The following LTBP1 variants were observed in gnomAD, a reference collection of about 807,000 sequenced individuals.
LTBP1 encodes the protein latent-transforming growth factor beta-binding protein 1.
LTBP1 carries 129 observed loss-of-function variants against 207.6 expected under a neutral mutation model. The ratio of observed to expected loss-of-function variants is 0.62; its 90% confidence interval spans 0.54 to 0.72. The LOEUF is 0.72. LTBP1 is among the 30% of genes least tolerant of loss of function. LTBP1 has a pLI of 0.00. For missense variants in LTBP1, 2,281 were observed against 2,217.2 expected, an observed-to-expected ratio of 1.03 and a Z score of -0.58; for synonymous variants, 963 against 833.7, an observed-to-expected ratio of 1.16 and a Z score of -2.67.
Position 32,948,860 on chromosome 2 carries a change from C to G in LTBP1, c.495-15C>G. 1 of 1,613,720 alleles carries G rather than the reference C, an allele frequency of 6.2e-7. No individual in the cohort carries two copies. The highest frequency in any genetic ancestry group is 8.5e-7 in the Non-Finnish European group (1 of 1,179,622). On this transcript the variant is annotated splice_polypyrimidine_tract_variant and intron_variant, in intron 1 of 33. Coordinates refer to ENST00000404816, the MANE Select transcript of LTBP1 (RefSeq NM_206943.4). The stretch of plus-strand genomic sequence containing the variant: ...TCTTTCTGCTGCTGGACTCAGCGAT[C>G]TTGCTTTGTTTCAGGGTCAATGTCT...
At chr2:33,098,204 G>A (rs1438746402) in intron 3 of LTBP1, among the ~76,000 whole-genome samples, 28 of 152,174 alleles carry the variant, frequency 1.8e-4, no homozygotes. Flanking sequence ...ACTGGTGCGG[G>A]TGGGCATTGT....
chr2:33,272,689 T>C (rs779163657), intron 15 of LTBP1, among the ~76,000 whole-genome samples: 7 of 152,208 alleles, frequency 4.6e-5, no homozygotes, highest in Non-Finnish European at 1.0e-4. Flanking sequence ...CTTGCCCCAT[T>C]CTGCAGAACT....
chr2:33,365,362 G>A lies in LTBP1; in HGVS notation c.4570G>A (p.Asp1524Asn). Reference sequence around the variant, plus strand: ...AATAGAAGAAACTGATGTCTACCAAGATTTGTGCTGGGAACATCTGAGTGA... The same window carrying A: ...AATAGAAGAAACTGATGTCTACCAAAATTTGTGCTGGGAACATCTGAGTGA... ...EQIEETDVYQ[D>N]LCWEHLSDEY... The change falls in exon 31 of 34, where the codon GAT (aspartate) becomes AAT (asparagine). Residue 1524 changes from aspartate (D) to asparagine (N), a missense_variant. Around this residue, in one of 3 missense-constraint regions of LTBP1, gnomAD observed 1,671 missense variants for 1,634.8 expected, o/e 1.02. Transcript: ENST00000404816. 1.2e-6 allele frequency: 2 copies of A among 1,614,212 alleles called. No individual in the cohort carries two copies. Among genetic ancestry groups the A allele is most frequent in the Non-Finnish European group, 1.7e-6 (2 of 1,180,026 alleles).
In LTBP1 at chr2:32,968,483, A is replaced by G. The variant is rs1680326906; in HGVS notation, c.565+19538A>G. 2.0e-5 allele frequency among the ~76,000 whole-genome samples: 3 copies of G among 152,016 alleles called. No homozygotes were observed. In the South Asian group the frequency reaches 6.2e-4, roughly 32 times the overall value. On this transcript the variant is annotated intron_variant, in intron 2 of 33. Coordinates refer to ENST00000404816, the MANE Select transcript of LTBP1 (RefSeq NM_206943.4). Reference sequence around the variant, plus strand: ...GTGTTAGCATGATATTTATTTTTTCATCCCTTACTTTTCATTTATATCAAT... The same window carrying G: ...GTGTTAGCATGATATTTATTTTTTCGTCCCTTACTTTTCATTTATATCAAT...
chr2:33,017,436 C>T (rs1036594611), intron 2 of LTBP1, among the ~76,000 whole-genome samples: 5 of 152,148 alleles, frequency 3.3e-5, no homozygotes, highest in African/African-American at 1.2e-4. Flanking sequence ...ATTTAGCAGG[C>T]TTGGGGTAGC....
At chr2:33,149,242 A>ACAAAAAAC (rs1558707551) in intron 5 of LTBP1, among the ~76,000 whole-genome samples, 1 of 146,370 alleles carries the variant, frequency 6.8e-6, no homozygotes, top group Admixed American at 6.9e-5. Flanking sequence ...AAAAAAAAAA[A>ACAAAAAAC]AAAAAAAAAA....
intron 2 of LTBP1, among the ~76,000 whole-genome samples, chr2:32,986,719 A>C (rs760488749): frequency 3.9e-5 from 6 of 152,158 alleles, no homozygotes; most frequent in Non-Finnish European, 5.9e-5. Context: ...CTCTCTCAAC[A>C]AGTCTCAGCC....
At chr2:33,069,706 A>G (rs145358739) in intron 3 of LTBP1, among the ~76,000 whole-genome samples, 2 of 152,334 alleles carry the variant, frequency 1.3e-5, no homozygotes, top group East Asian at 1.9e-4. Context: ...AATGAACATC[A>G]TGCAGTTTTG....
rs774273116 is a variant in LTBP1, at chr2:33,110,696, T to C, written c.978T>C (p.Thr326=). 6 of 1,614,192 alleles carry C rather than the reference T, an allele frequency of 3.7e-6. No individual in the cohort carries two copies. The highest frequency in any genetic ancestry group is 1.7e-5 in the Admixed American group (1 of 60,020). ...AQKGISGEQS[T]EGSFPLRYVQ... Reference sequence around the variant, plus strand: ...AGGGGATTTCAGGAGAGCAGTCCACTGAAGGTTCTTTCCCTTTAAGATATG... The same window carrying C: ...AGGGGATTTCAGGAGAGCAGTCCACCGAAGGTTCTTTCCCTTTAAGATATG... Residue 326 remains threonine, a synonymous_variant, in exon 4 of 34, where the codon ACT becomes ACC. Transcript: ENST00000404816.
At chr2:32,975,026 T>C (rs1450349814) in intron 2 of LTBP1, among the ~76,000 whole-genome samples, 7 of 152,244 alleles carry the variant, frequency 4.6e-5, no homozygotes, top group African/African-American at 1.7e-4. Context: ...GTTTTTCATT[T>C]CTGTATTTAG....
Position 33,189,535 on chromosome 2 carries a change from A to G in LTBP1, c.1701+684A>G, listed in dbSNP as rs763918453. ...AGGAAGTCCATGATTACCTGTTTCT[A>G]TTTTTTCAGTTAGGATGATCTGTGT... On this transcript the variant is annotated intron_variant, in intron 7 of 33. Transcript: ENST00000404816. Among the ~76,000 whole-genome samples the G allele has an allele frequency of 1.1e-3, 173 of 152,072 alleles. 1 individual carries two copies. Among genetic ancestry groups the G allele is most frequent in the South Asian group, 2.1e-3 (10 of 4,818 alleles).
chr2:33,354,165 G>A (rs2094823007), intron 26 of LTBP1, among the ~76,000 whole-genome samples: 1 of 151,838 alleles, frequency 6.6e-6, no homozygotes, highest in Non-Finnish European at 1.5e-5. Context: ...GCTCGGCCGT[G>A]CATGTACACA....
chr2:32,961,635 T>C (rs996116920), intron 2 of LTBP1, among the ~76,000 whole-genome samples: 2 of 152,156 alleles, frequency 1.3e-5, no homozygotes, highest in Non-Finnish European at 2.9e-5. Flanking sequence ...TCAAGTCAAA[T>C]GAGGCTCATC....
At chr2:33,089,770 G>A (rs554030190) in intron 3 of LTBP1, among the ~76,000 whole-genome samples, 108 of 152,270 alleles carry the variant, frequency 7.1e-4, no homozygotes, top group African/African-American at 2.5e-3. Flanking sequence ...TTTAAAAACT[G>A]ATGATTTCTG....
At chr2:33,093,497 C>T (rs923011025) in intron 3 of LTBP1, among the ~76,000 whole-genome samples, 7 of 151,756 alleles carry the variant, frequency 4.6e-5, no homozygotes, top group South Asian at 2.1e-4. Flanking sequence ...AACTAGGATA[C>T]GCCTGCTCAA....
At chr2:32,989,316 A>G (rs1380574573) in intron 2 of LTBP1, among the ~76,000 whole-genome samples, 1 of 152,248 alleles carries the variant, frequency 6.6e-6, no homozygotes, top group Non-Finnish European at 1.5e-5. Context: ...GGGTTTATCC[A>G]TAGGGCAATA....
chr2:33,059,315 G>T (rs6753484), intron 3 of LTBP1, among the ~76,000 whole-genome samples: 1 of 152,126 alleles, frequency 6.6e-6, no homozygotes, highest in African/African-American at 2.4e-5. Flanking sequence ...GTAGTCAAGC[G>T]TACAGTGCTT....
intron 7 of LTBP1, among the ~76,000 whole-genome samples, chr2:33,192,426 G>A (rs1239586818): frequency 1.3e-5 from 2 of 151,752 alleles, no homozygotes; most frequent in African/African-American, 4.8e-5. Context: ...AAGTTTACAG[G>A]GAATACCAAG....
intron 2 of LTBP1, among the ~76,000 whole-genome samples, chr2:32,981,513 T>C (rs1558470097): frequency 6.6e-6 from 1 of 152,220 alleles, no homozygotes; most frequent in Non-Finnish European, 1.5e-5. Context: ...TTCAGCTTTT[T>C]ACTTGTTAAG....
Sources: gnomAD v4.1 joint callset for allele counts (sites outside exome capture counted in the v4.1 genomes callset) on GRCh38, gnomAD v4.1.1 for gene constraint, gnomAD v4.1.1 regional missense constraint, MANE v1.5 for transcripts, NCBI Gene and HGNC (gene_info 2026-07-23, HGNC 2026-07-21) for gene names.